Variants in RDX observed in about 807,000 individuals in gnomAD.
RDX encodes the protein deafness, autosomal recessive 24.
RDX carries 32 observed loss-of-function variants against 83.7 expected under a neutral mutation model. The observed-to-expected ratio is 0.38, with a 90% confidence interval of 0.29 to 0.51. The LOEUF is 0.51. Among genes scored for constraint, RDX ranks in the 20% least tolerant of loss-of-function variants. The pLI is 0.87. For missense variants in RDX, 600 were observed against 689.9 expected (o/e 0.87, Z 1.46); for synonymous variants, 229 against 222.7 (o/e 1.03, Z -0.25).
chr11:110,237,741 T>C (rs759327767), intron 10 of RDX, 89 bp from the exon 11 acceptor site: 12 of 1,406,984 alleles, frequency 8.5e-6, no homozygotes, highest in Non-Finnish European at 1.2e-5. Flanking sequence ...AGAAATCAAA[T>C]CTGTTCAATT....
intron 2 of RDX, among the ~76,000 whole-genome samples, chr11:110,276,823 A>G (rs1235702490): frequency 1.3e-5 from 2 of 152,238 alleles, no homozygotes; most frequent in African/African-American, 2.4e-5. Context: ...GGAAACCTGA[A>G]GATGAGTTAA....
intron 1 of RDX, among the ~76,000 whole-genome samples, chr11:110,296,158 G>C (rs1474435920): frequency 1.3e-5 from 2 of 152,168 alleles, no homozygotes; most frequent in East Asian, 3.9e-4. Flanking sequence ...GGCAGACTCC[G>C]CGCCCCGAGG....
chr11:110,265,689 T>A (rs1860010153), intron 3 of RDX, among the ~76,000 whole-genome samples: 2 of 152,140 alleles, frequency 1.3e-5, no homozygotes, highest in African/African-American at 4.8e-5. Context: ...TCCACCCTTC[T>A]ACAATTTTGC....
At chr11:110,177,478 C>T (rs1862798946) in intron 15 of RDX, among the ~76,000 whole-genome samples, 1 of 152,212 alleles carries the variant, frequency 6.6e-6, no homozygotes, top group African/African-American at 2.4e-5. Context: ...CAGCTGGAGG[C>T]CTGCACCTTG....
chr11:110,217,612 G>A (rs1288931244), intron 14 of RDX, among the ~76,000 whole-genome samples: 1 of 152,152 alleles, frequency 6.6e-6, no homozygotes, highest in African/African-American at 2.4e-5. Context: ...TACTCATACA[G>A]CGGATACCGT....
chr11:110,195,736 G>A (rs1044832155), intron 15 of RDX: 3 of 151,954 alleles, frequency 2.0e-5, no homozygotes, highest in Non-Finnish European at 4.4e-5. Flanking sequence ...TACATTTTTT[G>A]AAAAAGTGGG....
At chr11:110,260,714 CTG>C (rs1328732744) in intron 5 of RDX, among the ~76,000 whole-genome samples, 1 of 152,202 alleles carries the variant, frequency 6.6e-6, no homozygotes, top group Admixed American at 6.5e-5. Context: ...ATACCAAAAA[CTG>C]TGGATGCTCA....
At chr11:110,271,804 T>C (rs151204437) in intron 3 of RDX, among the ~76,000 whole-genome samples, 3 of 152,248 alleles carry the variant, frequency 2.0e-5, no homozygotes, top group Non-Finnish European at 2.9e-5. Context: ...TGACACCAAA[T>C]TGTTGTTAGG....
chr11:110,296,377 G>GC (rs1861461798), intron 1 of RDX, 90 bp downstream of exon 1: 1 of 151,746 alleles, frequency 6.6e-6, no homozygotes, highest in African/African-American at 2.4e-5. Flanking sequence ...CGGCCGGGCA[G>GC]CACGGGCCCC....
At chr11:110,291,127 G>T (rs752239130) in intron 1 of RDX, among the ~76,000 whole-genome samples, 15 of 152,134 alleles carry the variant, frequency 9.9e-5, no homozygotes, top group Non-Finnish European at 1.9e-4. Context: ...AGAAGTTTGA[G>T]ACTAGCCTGG....
intron 15 of RDX, among the ~76,000 whole-genome samples, chr11:110,194,938 T>C (rs900384774): frequency 1.3e-5 from 2 of 152,186 alleles, no homozygotes; most frequent in Admixed American, 6.6e-5. Flanking sequence ...CAGCACAACA[T>C]GCTCTTGAAG....
At chr11:110,240,410 A>G (rs1342385835) in intron 10 of RDX, among the ~76,000 whole-genome samples, 1 of 152,190 alleles carries the variant, frequency 6.6e-6, no homozygotes, top group Admixed American at 6.5e-5. Context: ...GAGAAAAAGA[A>G]TAGAAATGTA....
chr11:110,197,258 C>T (rs1458122170), intron 15 of RDX, among the ~76,000 whole-genome samples: 1 of 152,118 alleles, frequency 6.6e-6, no homozygotes, highest in African/African-American at 2.4e-5. Context: ...CCTACAGGCC[C>T]CTAGTCACGA....
chr11:110,234,813 A>T (rs1864776950), intron 12 of RDX, among the ~76,000 whole-genome samples: 1 of 152,208 alleles, frequency 6.6e-6, no homozygotes, highest in African/African-American at 2.4e-5. Flanking sequence ...AACTGCTACA[A>T]AGATTTACTT....
chr11:110,277,695 AGTTGT>A (rs1460220133), intron 2 of RDX, among the ~76,000 whole-genome samples: 1 of 151,354 alleles, frequency 6.6e-6, no homozygotes, highest in Non-Finnish European at 1.5e-5. Flanking sequence ...AAAAAATCTG[AGTTGT>A]GTTATTATTC....
intron 1 of RDX, among the ~76,000 whole-genome samples, chr11:110,283,449 G>A (rs1023381385): frequency 2.2e-4 from 33 of 151,810 alleles, no homozygotes; most frequent in African/African-American, 6.8e-4. Flanking sequence ...ACACACACCC[G>A]GCCTAAAAAA....
chr11:110,237,136 A>G (rs1165106218), intron 11 of RDX, among the ~76,000 whole-genome samples: 1 of 149,380 alleles, frequency 6.7e-6, no homozygotes, highest in Non-Finnish European at 1.5e-5. Flanking sequence ...TTATATAACT[A>G]TAACATATAT....
chr11:110,272,529 G>C lies in RDX; in HGVS notation c.96+7C>G. 1 of 1,593,394 alleles carries C rather than the reference G, an allele frequency of 6.3e-7. No homozygotes were observed. Among genetic ancestry groups the C allele is most frequent in the South Asian group, 1.1e-5 (1 of 90,172 alleles). The stretch of plus-strand genomic sequence containing the variant: ...TCAAAAGTTGCATATTTCATGCAGT[G>C]TAATACCTGGTCAAAAAGTTGTTTG... On this transcript the variant is annotated splice_region_variant and intron_variant, in intron 3 of 13. Transcript: ENST00000645495.
intron 14 of RDX, among the ~76,000 whole-genome samples, chr11:110,205,585 T>A (rs1863573629): frequency 6.6e-6 from 1 of 150,800 alleles, no homozygotes; most frequent in Non-Finnish European, 1.5e-5. Context: ...AACAATCTAA[T>A]AAAAAACAGG....
Sources: allele counts gnomAD v4.1 joint callset (sites outside exome capture counted in the v4.1 genomes callset), GRCh38; gene constraint gnomAD v4.1.1; transcripts MANE v1.5; gene names NCBI Gene and HGNC (gene_info 2026-07-23, HGNC 2026-07-21).